Variants in PPA1 observed in about 807,000 individuals in gnomAD.
PPA1 encodes the protein inorganic pyrophosphatase 1.
Under a neutral mutation model 41.8 loss-of-function variants are expected in PPA1, and 23 were observed. The ratio of observed to expected loss-of-function variants is 0.55; its 90% CI spans 0.40 to 0.78. The LOEUF is 0.78. PPA1 is among the 30% of genes least tolerant of loss of function. The pLI is 0.00. For missense variants in PPA1, 320 were observed against 361.6 expected, an observed-to-expected ratio of 0.89 and a Z score of 0.93; for synonymous variants, 101 against 116.8, an observed-to-expected ratio of 0.86 and a Z score of 0.87.
chr10:70,209,346 T>A (rs1264911891), intron 7 of PPA1, 56 bp from the exon 8 acceptor site: 1 of 1,427,374 alleles, frequency 7.0e-7, no homozygotes, highest in Non-Finnish European at 9.7e-7. Context: ...TTTCCTATTA[T>A]CAACATTTCC....
At chr10:70,216,486 C>CA (rs59025870) in intron 4 of PPA1, among the ~76,000 whole-genome samples, 29 of 141,130 alleles carry the variant, frequency 2.1e-4, no homozygotes, top group South Asian at 4.6e-4. Flanking sequence ...GACTCCGTCT[C>CA]AAAAAAAAAA....
chr10:70,220,253 CTTTT>C (rs33951004), intron 2 of PPA1, among the ~76,000 whole-genome samples: 2 of 119,902 alleles, frequency 1.7e-5, no homozygotes, highest in Non-Finnish European at 3.4e-5. Context: ...ATAAAAAGTA[CTTTT>C]TTTTTTTTTT....
At chr10:70,221,545 G>A (rs149463407) in intron 2 of PPA1, among the ~76,000 whole-genome samples, 189 of 152,146 alleles carry the variant, frequency 1.2e-3, no homozygotes, top group African/African-American at 3.6e-3. Flanking sequence ...ATTAATCCTG[G>A]GTAGAAAACC....
intron 9 of PPA1, chr10:70,205,429 A>G (rs1839928150): frequency 6.6e-6 from 1 of 152,128 alleles, no homozygotes. Flanking sequence ...GCAGAATAAT[A>G]AGAATGTTTT....
At chr10:70,220,640 A>G (rs865885421) in intron 2 of PPA1, among the ~76,000 whole-genome samples, 2 of 6,756 alleles carry the variant, frequency 3.0e-4, no homozygotes, top group African/African-American at 1.2e-3. Flanking sequence ...TATATAATAT[A>G]TATAATTTAT....
intron 6 of PPA1, chr10:70,210,389 C>A (rs753216923): frequency 1.5e-6 from 2 of 1,365,098 alleles, no homozygotes; most frequent in East Asian, 4.6e-5. Context: ...GAGGCAGAGG[C>A]TATGTCAGAG....
chr10:70,203,244 C>T, intron 10 of PPA1, 58 bp from the exon 11 acceptor site: 4 of 1,412,864 alleles, frequency 2.8e-6, no homozygotes, highest in Non-Finnish European at 4.0e-6. Context: ...AAAAATACAC[C>T]TAACATATAA....
In PPA1 at chr10:70,223,509, C is replaced by T. The variant is rs189629536; in HGVS notation, c.124-4692G>A. On this transcript the variant is annotated intron_variant, in intron 2 of 10. Coordinates refer to ENST00000373232, the MANE Select transcript of PPA1 (RefSeq NM_021129.4). ...AGCTGGGACTACAGGTGCAAGCCAT[C>T]CTGCCCAGCTCTGTACTTGTAAGGA... Among the ~76,000 whole-genome samples the T allele has an allele frequency of 1.5e-3, 235 of 152,252 alleles. 1 individual carries two copies. The highest frequency in any genetic ancestry group is 3.3e-3 in the Admixed American group (50 of 15,292).
At chr10:70,221,076 ATTTTTTTTTT>A (rs11310336) in intron 2 of PPA1, among the ~76,000 whole-genome samples, 4 of 40,050 alleles carry the variant, frequency 1.0e-4, no homozygotes, top group African/African-American at 8.1e-4. Context: ...ATATATATAT[ATTTTTTTTTT>A]TTTTTTTTTG....
At chr10:70,214,106 G>C (rs1840051616) in intron 5 of PPA1, among the ~76,000 whole-genome samples, 1 of 152,124 alleles carries the variant, frequency 6.6e-6, no homozygotes, top group African/African-American at 2.4e-5. Flanking sequence ...TACTACCATG[G>C]ATCTCCAACT....
At chr10:70,230,155 C>T (rs1027828471) in intron 2 of PPA1, among the ~76,000 whole-genome samples, 186 bp downstream of exon 2, 12 of 152,186 alleles carry the variant, frequency 7.9e-5, no homozygotes, top group Non-Finnish European at 1.5e-4. Flanking sequence ...GCCCTCCACC[C>T]GCCTCAGCCT....
intron 6 of PPA1, chr10:70,210,408 C>T (rs746274991): frequency 7.3e-7 from 1 of 1,364,778 alleles, no homozygotes; most frequent in Admixed American, 1.9e-5. Flanking sequence ...AGGATCACAA[C>T]ACTATTACAT....
At chr10:70,223,323 T>TCCTGCC (rs1056680731) in intron 2 of PPA1, among the ~76,000 whole-genome samples, 4 of 152,074 alleles carry the variant, frequency 2.6e-5, no homozygotes, top group Admixed American at 6.5e-5. Context: ...CAAGCAATCC[T>TCCTGCC]CCTGCCTCAG....
rs537520232 is a variant in PPA1, at chr10:70,231,093, T to A, written c.65-694A>T. 1.6e-4 allele frequency among the ~76,000 whole-genome samples: 25 copies of A among 152,360 alleles called. No individual in the cohort carries two copies. In the East Asian group the frequency reaches 4.8e-3, roughly 29 times the overall value. On this transcript the variant is annotated intron_variant, in intron 1 of 10. Transcript: ENST00000373232. ...AGAGACAGCCAGCCATCTTAGATTA[T>A]GACTTTCTTTAAGGATAATCAAGTT...
intron 2 of PPA1, among the ~76,000 whole-genome samples, chr10:70,223,922 C>CT (rs1347976358): frequency 6.6e-6 from 1 of 152,118 alleles, no homozygotes; most frequent in Non-Finnish European, 1.5e-5. Context: ...TCCTACCATG[C>CT]TTTGGAGTCT....
intron 2 of PPA1, among the ~76,000 whole-genome samples, chr10:70,221,062 A>ATATATATATATATAATT (rs1237945336): frequency 2.0e-4 from 3 of 15,026 alleles, no homozygotes; most frequent in African/African-American, 1.5e-3. Context: ...TATAATTTAT[A>ATATATATATATATAATT]TATATATATA....
At chr10:70,226,128 A>G (rs1170619449) in intron 2 of PPA1, among the ~76,000 whole-genome samples, 1 of 152,240 alleles carries the variant, frequency 6.6e-6, no homozygotes, top group Admixed American at 6.5e-5. Context: ...AAATTAAAAC[A>G]CATACACACA....
chr10:70,212,516 T>C (rs973950895), intron 6 of PPA1, among the ~76,000 whole-genome samples: 1 of 152,134 alleles, frequency 6.6e-6, no homozygotes, highest in African/African-American at 2.4e-5. Flanking sequence ...TACTGACAGA[T>C]GCCACAATAT....
intron 2 of PPA1, among the ~76,000 whole-genome samples, chr10:70,226,309 G>A (rs1366294322): frequency 2.0e-5 from 3 of 152,030 alleles, no homozygotes; most frequent in East Asian, 1.9e-4. Flanking sequence ...GTGTGGGAGC[G>A]CACACCTGTA....
Sources: gnomAD v4.1 joint callset for allele counts (sites outside exome capture counted in the v4.1 genomes callset) on GRCh38, gnomAD v4.1.1 for gene constraint, MANE v1.5 for transcripts, NCBI Gene and HGNC (gene_info 2026-07-23, HGNC 2026-07-21) for gene names.